The following SLCO4C1 variants were observed in gnomAD, a reference collection of about 807,000 sequenced individuals.
SLCO4C1 encodes the protein solute carrier organic anion transporter family member 4C1.
In SLCO4C1, 58 loss-of-function variants were observed where a neutral mutation model predicts 72.1. The ratio of observed to expected loss-of-function variants is 0.80; its 90% CI spans 0.65 to 1.00. The LOEUF is 1.00. SLCO4C1 is among the 50% of genes least tolerant of loss of function. The pLI is 0.00. For synonymous variants in SLCO4C1, 297 were observed against 312.5 expected (o/e 0.95, Z 0.52); for missense variants, 898 against 857.9 (o/e 1.05, Z -0.58).
At chr5:102,238,512 A>G (rs1308972405) in intron 12 of SLCO4C1, among the ~76,000 whole-genome samples, 1 of 152,158 alleles carries the variant, frequency 6.6e-6, no homozygotes, top group Non-Finnish European at 1.5e-5. Flanking sequence ...CTGGATTTAC[A>G]TGCATGTAAG....
intron 10 of SLCO4C1, among the ~76,000 whole-genome samples, chr5:102,242,134 A>C (rs1748554209): frequency 6.6e-6 from 1 of 152,204 alleles, no homozygotes; most frequent in African/African-American, 2.4e-5. Flanking sequence ...CTGCCCACAG[A>C]GGGAGTATTT....
chr5:102,273,111 A>G (rs1028587716), intron 2 of SLCO4C1, among the ~76,000 whole-genome samples: 5 of 152,086 alleles, frequency 3.3e-5, no homozygotes, highest in African/African-American at 1.2e-4. Flanking sequence ...AAGAATAGAG[A>G]CTGTGAGAAT....
At chr5:102,250,766 A>G (rs1427453645) in intron 8 of SLCO4C1, among the ~76,000 whole-genome samples, 1 of 152,130 alleles carries the variant, frequency 6.6e-6, no homozygotes, top group Non-Finnish European at 1.5e-5. Context: ...AAGCGGGTGG[A>G]TCACTTGAGG....
rs370735801 is a variant in SLCO4C1, at chr5:102,255,888, G to A, written c.1469+1227C>T. On this transcript the variant is annotated intron_variant, in intron 8 of 12. Transcript: ENST00000310954. The stretch of plus-strand genomic sequence containing the variant: ...TTGCCAAGAAGATCTGCCAGAGGAA[G>A]CATTCAACAAATGTTGAACAAATGT... Among the ~76,000 whole-genome samples the A allele has an allele frequency of 3.9e-5, 6 of 152,190 alleles. No homozygotes were observed. The East Asian group carries it at 1.2e-3, about 29-fold the overall frequency.
rs1227699967 is a variant in SLCO4C1 at position 102,295,943 on chromosome 5, A to G, written c.320T>C (p.Phe107Ser). Reference protein sequence around the residue: ...CLQRCNTPGGFLLHYCLLAVT... With the variant: ...CLQRCNTPGGSLLHYCLLAVT... ...GGCCAAGAGGCAGTAGTGAAGCAGA[A>G]AGCCTCCAGGTGTGTTGCAGCGCTG... Residue 107 changes from phenylalanine to serine, a missense_variant, in exon 1 of 13, where the codon TTT becomes TCT. Physicochemically the swap from Phe to Ser is radical, Grantham distance 155. Transcript: ENST00000310954. 6.2e-7 allele frequency: 1 copy of G among 1,614,176 alleles called. No individual in the cohort carries two copies. Among genetic ancestry groups the G allele is most frequent in the East Asian group, 2.2e-5 (1 of 44,878 alleles).
rs192992859 is a variant in SLCO4C1 at position 102,283,507 on chromosome 5, G to A, written c.619+7836C>T. Among the ~76,000 whole-genome samples the A allele has an allele frequency of 3.0e-3, 443 of 147,044 alleles. 1 individual carries two copies. Among genetic ancestry groups the A allele is most frequent in the African/African-American group, 0.011 (421 of 39,810 alleles). On this transcript the variant is annotated intron_variant, in intron 2 of 12. Transcript: ENST00000310954. The stretch of plus-strand genomic sequence containing the variant: ...AAAACACACACTGGCAAATTTGTGC[G>A]TTTTTAAGAATAGTGACTAAGAAAA...
At position 102,257,213 on chromosome 5, in the gene SLCO4C1, T is replaced by C. The variant is rs747381349; in HGVS notation, c.1371A>G (p.Ala457=). ...TAAGTGCAACTCCAGATGTGAACAGTGCAAACTTCATTGTGTTTTTACATG... is the reference window on the plus strand; with the variant it reads ...TAAGTGCAACTCCAGATGTGAACAGCGCAAACTTCATTGTGTTTTTACATG... The part of the protein sequence containing the change: ...RMTCKNTMKF[A]LFTSGVALTL... Residue 457 remains alanine (A), a synonymous_variant, in exon 8 of 13, where the codon GCA becomes GCG. Transcript: ENST00000310954. 6.2e-7 allele frequency: 1 copy of C among 1,611,728 alleles called. No individual in the cohort carries two copies. Among genetic ancestry groups the C allele is most frequent in the East Asian group, 2.2e-5 (1 of 44,678 alleles).
At chr5:102,251,326 C>T (rs1301403605) in intron 8 of SLCO4C1, among the ~76,000 whole-genome samples, 2 of 151,962 alleles carry the variant, frequency 1.3e-5, no homozygotes, top group Non-Finnish European at 2.9e-5. Context: ...GTTACAATAC[C>T]CTAGACAGTA....
At chr5:102,288,093 G>C (rs557791766) in intron 2 of SLCO4C1, among the ~76,000 whole-genome samples, 1 of 152,062 alleles carries the variant, frequency 6.6e-6, no homozygotes, top group Non-Finnish European at 1.5e-5. Flanking sequence ...CTGAAAGTCA[G>C]TGTGACATTA....
At chr5:102,257,082 T>C (rs1561370430) in intron 8 of SLCO4C1, 33 bp downstream of exon 8, 2 of 1,427,016 alleles carry the variant, frequency 1.4e-6, no homozygotes, top group Non-Finnish European at 1.9e-6. Context: ...ATTATTCTGG[T>C]ATTAATATCA....
intron 2 of SLCO4C1, among the ~76,000 whole-genome samples, chr5:102,278,881 C>T (rs1163104763): frequency 1.3e-5 from 2 of 151,384 alleles, no homozygotes; most frequent in Non-Finnish European, 3.0e-5. Context: ...AAAATGCATA[C>T]ATTAGAAAAA....
At chr5:102,291,655 T>C (rs368273558) in intron 1 of SLCO4C1, 49 bp from the exon 2 acceptor site, 265 of 1,457,928 alleles carry the variant, frequency 1.8e-4, no homozygotes, top group South Asian at 1.2e-3. Flanking sequence ...TACCATACGA[T>C]TAAGATTATT....
intron 2 of SLCO4C1, 78 bp from the exon 3 acceptor site, chr5:102,270,884 CTAATA>C (rs879542786): frequency 1.1e-5 from 12 of 1,090,586 alleles, no homozygotes; most frequent in South Asian, 5.2e-5. Context: ...TTACACTTGC[CTAATA>C]TAATATAACC....
intron 11 of SLCO4C1, among the ~76,000 whole-genome samples, chr5:102,239,726 T>A (rs1157063024): frequency 6.6e-6 from 1 of 152,046 alleles, no homozygotes; most frequent in African/African-American, 2.4e-5. Context: ...TTGTTAAAAA[T>A]CAAAATAAAT....
At chr5:102,291,202 C>G (rs1290346895) in intron 2 of SLCO4C1, 141 bp downstream of exon 2, 1 of 854,952 alleles carries the variant, frequency 1.2e-6, no homozygotes, top group African/African-American at 1.7e-5. Context: ...TCATACAGTT[C>G]ACACAATGAA....
rs55692838 is a variant in SLCO4C1, at chr5:102,247,917, C to CTTTT, written c.1621-479_1621-476dup. Among the ~76,000 whole-genome samples, 164 of 107,370 alleles carry CTTTT rather than the reference C, an allele frequency of 1.5e-3. 1 individual carries two copies. The highest frequency in any genetic ancestry group is 4.6e-3 in the African/African-American group (133 of 29,100). The allele number at this position is 107,370 out of a possible 152,430, so 70.4% of individuals were successfully genotyped here. A position where few individuals can be genotyped will look rare whatever the true frequency, so the allele number is the denominator to read the frequency against. On this transcript the variant is annotated intron_variant, in intron 9 of 12. Transcript: ENST00000310954. ...CTTTCATTGTTCCAAAGGCCAGAAA[C>CTTTT]TTTTTTTTTTTTTTTTTTTTTTTTG... is the stretch of plus-strand genomic sequence containing the variant.
intron 1 of SLCO4C1, among the ~76,000 whole-genome samples, chr5:102,292,193 C>G (rs1316098339): frequency 6.6e-6 from 1 of 152,158 alleles, no homozygotes. Context: ...TTGCTACGTA[C>G]TAAATTATAG....
intron 4 of SLCO4C1, among the ~76,000 whole-genome samples, chr5:102,263,081 T>A (rs1748970886): frequency 6.6e-6 from 1 of 152,206 alleles, no homozygotes; most frequent in Admixed American, 6.5e-5. Context: ...CTTTAATTCA[T>A]GTCTTAGCCA....
At chr5:102,278,788 T>A (rs934178305) in intron 2 of SLCO4C1, among the ~76,000 whole-genome samples, 7 of 151,584 alleles carry the variant, frequency 4.6e-5, no homozygotes, top group Admixed American at 3.3e-4. Flanking sequence ...AAAAATTCAC[T>A]GAATTAAGTA....
Sources: gnomAD v4.1 joint callset for allele counts (sites outside exome capture counted in the v4.1 genomes callset) on GRCh38, gnomAD v4.1.1 for gene constraint, MANE v1.5 for transcripts, NCBI Gene and HGNC (gene_info 2026-07-23, HGNC 2026-07-21) for gene names.